The following DLGAP2 variants were observed in gnomAD, a reference collection of about 807,000 sequenced individuals.
DLGAP2 encodes the protein disks large-associated protein 2.
In DLGAP2, 26 loss-of-function variants were observed where a neutral mutation model predicts 100.3. The observed-to-expected ratio is 0.26, with a 90% CI of 0.19 to 0.36. DLGAP2 has a LOEUF of 0.36. Ranked by LOEUF, DLGAP2 falls within the 10% of genes least tolerant of loss-of-function variation. DLGAP2 has a pLI of 1.00. For synonymous variants in DLGAP2, 886 were observed against 630.1 expected, an observed-to-expected ratio of 1.41 and a Z score of -6.08; for missense variants, 1,858 against 1,453.2, an observed-to-expected ratio of 1.28 and a Z score of -4.53.
At chr8:1,018,436 T>C (rs780393936) in intron 2 of DLGAP2, among the ~76,000 whole-genome samples, 1 of 152,192 alleles carries the variant, frequency 6.6e-6, no homozygotes, top group Non-Finnish European at 1.5e-5. Flanking sequence ...GTGAGTGCCC[T>C]AGCTCTTGGC....
At chr8:1,039,498 G>C (rs1225110873) in intron 2 of DLGAP2, among the ~76,000 whole-genome samples, 1 of 134,120 alleles carries the variant, frequency 7.5e-6, no homozygotes, top group East Asian at 2.3e-4. Flanking sequence ...GGCTCGGTGT[G>C]CATGGTCGGC....
At chr8:897,192 G>C (rs949484081) in intron 1 of DLGAP2, among the ~76,000 whole-genome samples, 4 of 152,248 alleles carry the variant, frequency 2.6e-5, no homozygotes, top group African/African-American at 9.6e-5. Context: ...ACATGATCGT[G>C]GCCTCGCACT....
chr8:986,251 A>G (rs1243798237), intron 2 of DLGAP2, among the ~76,000 whole-genome samples: 1 of 152,192 alleles, frequency 6.6e-6, no homozygotes, highest in East Asian at 1.9e-4. Context: ...GAGCTGTGTC[A>G]GCCTGTTGAG....
chr8:1,131,655 T>A, intron 2 of DLGAP2, among the ~76,000 whole-genome samples: 2 of 151,084 alleles, frequency 1.3e-5, no homozygotes, highest in South Asian at 4.2e-4. Context: ...TGGGTGCTGT[T>A]CCACATTAGG....
chr8:1,175,519 T>C (rs1405424636), intron 2 of DLGAP2, among the ~76,000 whole-genome samples: 1 of 152,222 alleles, frequency 6.6e-6, no homozygotes, highest in Non-Finnish European at 1.5e-5. Flanking sequence ...TCATGTTTCA[T>C]TGAGGCTGTC....
At chr8:1,494,182 C>G (rs9918913) in intron 3 of DLGAP2, among the ~76,000 whole-genome samples, 4 of 152,214 alleles carry the variant, frequency 2.6e-5, no homozygotes, top group South Asian at 2.1e-4. Context: ...CTATTGTTTC[C>G]TTTTCCATCA....
At chr8:1,363,189 C>T (rs1284677220) in intron 3 of DLGAP2, among the ~76,000 whole-genome samples, 1 of 152,188 alleles carries the variant, frequency 6.6e-6, no homozygotes, top group African/African-American at 2.4e-5. Flanking sequence ...CGGGCACCAG[C>T]CTTCCTTTCT....
rs57138660 is a variant in DLGAP2 at position 1,267,623 on chromosome 8, T to TAAAATAAAATA, written c.106+8743_106+8744insATAAAATAAAA. ...TAAGATAAGATAAGATAAGATAAGA[T>TAAAATAAAATA]AAATATTAAATAGGTCTACAAAAAG... is the stretch of plus-strand genomic sequence containing the variant. On this transcript the variant is annotated intron_variant, in intron 3 of 14. Coordinates refer to ENST00000637795, the MANE Select transcript of DLGAP2 (RefSeq NM_001346810.2). 1.0e-4 allele frequency among the ~76,000 whole-genome samples: 8 copies of TAAAATAAAATA among 76,624 alleles called. 1 individual carries two copies. Among genetic ancestry groups the TAAAATAAAATA allele is most frequent in the East Asian group, 5.3e-4 (1 of 1,886 alleles). 50.3% of individuals were successfully genotyped at this position (76,624 alleles called of 152,430 possible).
chr8:1,009,768 G>C (rs1471562411), intron 2 of DLGAP2, among the ~76,000 whole-genome samples: 1 of 152,212 alleles, frequency 6.6e-6, no homozygotes, highest in Non-Finnish European at 1.5e-5. Context: ...CCACAGCCTA[G>C]ACCTTGCTCA....
chr8:1,431,862 C>T (rs7840890), intron 3 of DLGAP2, among the ~76,000 whole-genome samples: 31,295 of 150,502 alleles, frequency 0.21, 3,662 homozygotes, highest in Middle Eastern at 0.28. Flanking sequence ...AGAACCCTGC[C>T]GGCACCCAGC....
rs528344364 is a variant in DLGAP2, at chr8:1,292,210, A to G, written c.106+33327A>G. On this transcript the variant is annotated intron_variant, in intron 3 of 14. Transcript: ENST00000637795. ...TGCACCCCCTCCTCTGTTGGCTGGA[A>G]AGTGAGCTCTGTCACCTGTACTCAA... is the stretch of plus-strand genomic sequence containing the variant. Among the ~76,000 whole-genome samples, 106 of 152,328 alleles carry G rather than the reference A, an allele frequency of 7.0e-4. 1 individual carries two copies. The highest frequency in any genetic ancestry group is 2.3e-3 in the African/African-American group (96 of 41,586).
chr8:868,367 C>T (rs1444783857), intron 1 of DLGAP2, among the ~76,000 whole-genome samples: 1 of 152,178 alleles, frequency 6.6e-6, no homozygotes, highest in African/African-American at 2.4e-5. Context: ...GGTCACCTAG[C>T]ACCTGTTCCT....
intron 2 of DLGAP2, among the ~76,000 whole-genome samples, chr8:946,511 C>G (rs934484128): frequency 1.3e-5 from 2 of 152,184 alleles, no homozygotes; most frequent in Non-Finnish European, 2.9e-5. Flanking sequence ...GATCTGCCCG[C>G]CTTGGCCTCC....
intron 3 of DLGAP2, among the ~76,000 whole-genome samples, chr8:1,477,115 A>T (rs950619278): frequency 2.7e-5 from 4 of 145,980 alleles, no homozygotes; most frequent in Admixed American, 7.6e-5. Flanking sequence ...ATAGCCTTTT[A>T]TCTCAAGAGG....
At position 1,549,155 on chromosome 8, in the gene DLGAP2, C is replaced by A; in HGVS notation, c.702C>A (p.His234Gln). The A allele has an allele frequency of 6.3e-7, 1 of 1,596,168 alleles. No individual in the cohort carries two copies. The highest frequency in any genetic ancestry group is 8.5e-7 in the Non-Finnish European group (1 of 1,172,592). Residue 234 changes from histidine (H) to glutamine (Q), a missense_variant, in exon 5 of 15, where the codon CAC becomes CAA. By Grantham distance (24) the His-to-Gln change is conservative. Transcript: ENST00000637795. ...CCGGGCGGATCCGCCACCTGGTACA[C>A]TCCGTGCAGAAGCTCTTCACCAAGT... ...ESPGRIRHLV[H>Q]SVQKLFTKSH...
intron 1 of DLGAP2, among the ~76,000 whole-genome samples, chr8:851,378 C>A (rs938352377): frequency 6.6e-6 from 1 of 152,186 alleles, no homozygotes; most frequent in African/African-American, 2.4e-5. Flanking sequence ...TTTCTTATCA[C>A]GTCAGTGTTG....
At chr8:1,387,109 T>C (rs915047588) in intron 3 of DLGAP2, among the ~76,000 whole-genome samples, 2 of 152,086 alleles carry the variant, frequency 1.3e-5, no homozygotes, top group Non-Finnish European at 2.9e-5. Context: ...AGGTATCATA[T>C]AGCAAAACAG....
chr8:1,023,483 G>A lies in DLGAP2; in HGVS notation c.73+115517G>A, dbSNP rs559629591. Among the ~76,000 whole-genome samples, 8 of 152,254 alleles carry A rather than the reference G, an allele frequency of 5.3e-5. No individual in the cohort carries two copies. In the East Asian group the frequency reaches 9.6e-4, roughly 18 times the overall value. On this transcript the variant is annotated intron_variant, in intron 2 of 14. Coordinates refer to ENST00000637795, the MANE Select transcript of DLGAP2 (RefSeq NM_001346810.2). The stretch of plus-strand genomic sequence containing the variant: ...GTAGCGGGCACTGTAGTTGCACACC[G>A]CAGCACCTGGCTGGAGTCCTGTTTG...
At chr8:1,463,286 G>T (rs959423963) in intron 3 of DLGAP2, among the ~76,000 whole-genome samples, 3 of 152,242 alleles carry the variant, frequency 2.0e-5, no homozygotes, top group Non-Finnish European at 4.4e-5. Context: ...AGGTGCTGAT[G>T]AGACAAGCGG....
Sources: gnomAD v4.1 joint callset for allele counts (sites outside exome capture counted in the v4.1 genomes callset) on GRCh38, gnomAD v4.1.1 for gene constraint, MANE v1.5 for transcripts, NCBI Gene and HGNC (gene_info 2026-07-23, HGNC 2026-07-21) for gene names.